The following GATAD2B variants were observed in gnomAD, a reference collection of about 807,000 sequenced individuals.
The protein encoded by GATAD2B is transcriptional repressor p66-beta.
In GATAD2B, 8 loss-of-function variants were observed where a neutral mutation model predicts 64.3. The observed-to-expected ratio is 0.12, with a 90% CI of 0.07 to 0.22. The LOEUF (loss-of-function observed/expected upper bound fraction) is 0.22. GATAD2B is among the 10% of genes least tolerant of loss of function. The pLI, the probability that GATAD2B is intolerant of heterozygous loss-of-function variation, is 1.00. For missense variants in GATAD2B, 453 were observed against 752.0 expected, an observed-to-expected ratio of 0.60 and a Z score of 4.65; for synonymous variants, 281 against 271.3, an observed-to-expected ratio of 1.04 and a Z score of -0.35.
chr1:153,899,369 G>A (rs1677697189), intron 1 of GATAD2B, among the ~76,000 whole-genome samples: 1 of 152,122 alleles, frequency 6.6e-6, no homozygotes, highest in Admixed American at 6.6e-5. Flanking sequence ...AGGAGCTCGA[G>A]ACCAGCGTGG....
chr1:153,853,457 T>C (rs547429983), intron 1 of GATAD2B: 7 of 504,270 alleles, frequency 1.4e-5, no homozygotes, highest in African/African-American at 1.2e-4. Context: ...GTGAAGCGCC[T>C]ATTTTTTAAT....
intron 1 of GATAD2B, among the ~76,000 whole-genome samples, chr1:153,839,252 C>G (rs1444882140): frequency 1.3e-5 from 2 of 151,996 alleles, no homozygotes; most frequent in East Asian, 3.9e-4. Context: ...TGAAATAGCT[C>G]TACATTCATG....
intron 1 of GATAD2B, among the ~76,000 whole-genome samples, chr1:153,900,541 G>A (rs1029032379): frequency 6.6e-6 from 1 of 151,990 alleles, no homozygotes; most frequent in Non-Finnish European, 1.5e-5. Context: ...TTTGAGACAG[G>A]GTCTTGCTCT....
In GATAD2B at chr1:153,922,918, G is replaced by A. The variant is rs1678509730; in HGVS notation, c.-187C>T. The A allele has an allele frequency of 1.3e-5, 2 of 156,150 alleles. No individual in the cohort carries two copies. Among genetic ancestry groups the A allele is most frequent in the South Asian group, 1.7e-4 (1 of 5,908 alleles). The allele number at this position is 156,150 out of a possible 1,614,324, so 9.7% of individuals were successfully genotyped here. On this transcript the variant is annotated 5_prime_UTR_variant, in exon 1 of 11. Coordinates refer to ENST00000368655, the MANE Select transcript of GATAD2B (RefSeq NM_020699.4). ...AGCAGACACTGCGGTACAGACGGGG[G>A]CAGCGGCGGCGGCGACGGCTGCACC...
intron 1 of GATAD2B, among the ~76,000 whole-genome samples, chr1:153,864,939 G>A (rs538955788): frequency 9.2e-5 from 14 of 152,070 alleles, no homozygotes; most frequent in African/African-American, 2.9e-4. Flanking sequence ...GCACAGTGGC[G>A]TGTGCCTGTA....
intron 1 of GATAD2B, among the ~76,000 whole-genome samples, chr1:153,893,955 TAAAAAAAAAAAAAA>T (rs57287798): frequency 4.4e-5 from 3 of 68,618 alleles, no homozygotes; most frequent in East Asian, 8.6e-4. Flanking sequence ...AGACTCCATC[TAAAAAAAAAAAAAA>T]AAAAAAAAAA....
At chr1:153,828,943 A>G (rs780478094) in intron 1 of GATAD2B, among the ~76,000 whole-genome samples, 10 of 152,090 alleles carry the variant, frequency 6.6e-5, no homozygotes, top group Non-Finnish European at 1.3e-4. Context: ...TGGTGGCTCA[A>G]CTTGTATTGT....
intron 2 of GATAD2B, among the ~76,000 whole-genome samples, chr1:153,822,739 C>A: frequency 6.6e-6 from 1 of 152,112 alleles, no homozygotes; most frequent in Non-Finnish European, 1.5e-5. Context: ...CCTCGTGATC[C>A]GCCCGCCTCA....
At chr1:153,813,927 G>A (rs1174550580) in intron 7 of GATAD2B, among the ~76,000 whole-genome samples, 2 of 152,220 alleles carry the variant, frequency 1.3e-5, no homozygotes, top group Admixed American at 1.3e-4. Flanking sequence ...GCAGTGAGCC[G>A]AAATTGTGCC....
At chr1:153,900,401 T>C (rs962769181) in intron 1 of GATAD2B, among the ~76,000 whole-genome samples, 5 of 151,608 alleles carry the variant, frequency 3.3e-5, no homozygotes, top group Non-Finnish European at 5.9e-5. Flanking sequence ...GCCTGGGCAA[T>C]AGAGACTCCG....
intron 1 of GATAD2B, among the ~76,000 whole-genome samples, chr1:153,922,315 G>C (rs1160399702): frequency 3.3e-5 from 5 of 150,098 alleles, no homozygotes; most frequent in Admixed American, 2.0e-4. Flanking sequence ...GGGCGCGCTA[G>C]AGAGGAAAGG....
At chr1:153,916,815 T>G (rs1301440255) in intron 1 of GATAD2B, among the ~76,000 whole-genome samples, 24 of 152,140 alleles carry the variant, frequency 1.6e-4, no homozygotes, top group Admixed American at 1.6e-3. Context: ...ATTTGTTTAT[T>G]TATTTATTTT....
At chr1:153,860,205 T>TG (rs1676235342) in intron 1 of GATAD2B, among the ~76,000 whole-genome samples, 3 of 151,862 alleles carry the variant, frequency 2.0e-5, no homozygotes, top group Admixed American at 2.0e-4. Flanking sequence ...GTGAGCCACT[T>TG]GCACTCGGCC....
intron 2 of GATAD2B, among the ~76,000 whole-genome samples, chr1:153,822,156 G>A (rs1454604215): frequency 6.6e-6 from 1 of 151,868 alleles, no homozygotes; most frequent in African/African-American, 2.4e-5. Flanking sequence ...ACTCCAGCCT[G>A]GGTGACAGAG....
chr1:153,826,711 G>A (rs1674890378), intron 2 of GATAD2B, among the ~76,000 whole-genome samples: 1 of 152,080 alleles, frequency 6.6e-6, no homozygotes, highest in Non-Finnish European at 1.5e-5. Flanking sequence ...AGGCCAATGT[G>A]GGAAGATCAC....
chr1:153,836,003 G>A (rs189961429), intron 1 of GATAD2B, among the ~76,000 whole-genome samples: 26 of 152,242 alleles, frequency 1.7e-4, no homozygotes, highest in South Asian at 1.2e-3. Flanking sequence ...GATTACAGGC[G>A]TGAGCCACTG....
chr1:153,891,633 G>A (rs1377019279), intron 1 of GATAD2B, among the ~76,000 whole-genome samples: 1 of 84,440 alleles, frequency 1.2e-5, no homozygotes, highest in East Asian at 3.6e-4. Context: ...AAGGAAAAAG[G>A]AGAGGGGAAG....
chr1:153,833,968 G>GTC (rs1001257765), intron 1 of GATAD2B, among the ~76,000 whole-genome samples: 1 of 151,318 alleles, frequency 6.6e-6, no homozygotes, highest in Non-Finnish European at 1.5e-5. Flanking sequence ...GTAAGACCCT[G>GTC]TCTCTCTCTC....
At chr1:153,885,622 C>T (rs1349842907) in intron 1 of GATAD2B, among the ~76,000 whole-genome samples, 4 of 151,828 alleles carry the variant, frequency 2.6e-5, no homozygotes, top group African/African-American at 9.7e-5. Context: ...AATCCCAGCA[C>T]TTTGGGAGGC....
Sources: gnomAD v4.1 joint callset for allele counts (sites outside exome capture counted in the v4.1 genomes callset) on GRCh38, gnomAD v4.1.1 for gene constraint, MANE v1.5 for transcripts, NCBI Gene and HGNC (gene_info 2026-07-23, HGNC 2026-07-21) for gene names.